STON2: variants seen among roughly 807,000 people sequenced by gnomAD.
STON2 encodes stonin 2.
STON2 carries 29 observed loss-of-function variants against 65.7 expected under a neutral mutation model. That is an observed-to-expected ratio of 0.44 (90% CI 0.33 to 0.60). The LOEUF is 0.60. STON2 is among the 20% of genes least tolerant of loss of function. STON2 has a pLI of 0.03. For missense variants in STON2, 1,054 were observed against 1,118.1 expected, an observed-to-expected ratio of 0.94 and a Z score of 0.82; for synonymous variants, 404 against 414.2, an observed-to-expected ratio of 0.98 and a Z score of 0.30.
At chr14:81,345,955 G>A (rs1897795259) in intron 4 of STON2, among the ~76,000 whole-genome samples, 1 of 152,164 alleles carries the variant, frequency 6.6e-6, no homozygotes, top group South Asian at 2.1e-4. Context: ...AGCCCTGTTT[G>A]CAACACTTGT....
chr14:81,378,253 T>C (rs1212989233), intron 3 of STON2, among the ~76,000 whole-genome samples: 2 of 152,210 alleles, frequency 1.3e-5, no homozygotes, highest in Non-Finnish European at 2.9e-5. Context: ...TTTCACTCTG[T>C]TGTCCAGGTT....
chr14:81,332,882 A>C (rs1897258321), intron 4 of STON2: 1 of 201,634 alleles, frequency 5.0e-6, no homozygotes, highest in Non-Finnish European at 1.0e-5. Flanking sequence ...AAAAATCCAC[A>C]ATGGCCACAG....
chr14:81,393,134 A>G (rs1043004151), intron 3 of STON2, among the ~76,000 whole-genome samples: 5 of 152,242 alleles, frequency 3.3e-5, no homozygotes, highest in Non-Finnish European at 7.3e-5. Context: ...AGATGGGGGC[A>G]ACATAATTAT....
intron 4 of STON2, among the ~76,000 whole-genome samples, chr14:81,338,737 CA>C (rs1186993397): frequency 6.6e-6 from 1 of 152,184 alleles, no homozygotes. Flanking sequence ...TAGAACATTT[CA>C]TTGGTGTCTG....
chr14:81,405,213 C>T (rs1244829149), upstream of STON2, among the ~76,000 whole-genome samples: 6 of 152,088 alleles, frequency 3.9e-5, no homozygotes, highest in Non-Finnish European at 7.4e-5. Flanking sequence ...TCTGTCCTTG[C>T]GTTCACTGAC....
chr14:81,295,166 T>C (rs1343425478), intron 5 of STON2, among the ~76,000 whole-genome samples: 1 of 151,918 alleles, frequency 6.6e-6, no homozygotes, highest in East Asian at 1.9e-4. Context: ...CTACTAAAAA[T>C]ACGAAAAAAT....
chr14:81,301,730 T>C (rs1036678447), intron 5 of STON2, among the ~76,000 whole-genome samples: 3 of 152,158 alleles, frequency 2.0e-5, no homozygotes, highest in African/African-American at 7.2e-5. Context: ...ACTTGAAGGG[T>C]TGTTGTGAGA....
intron 4 of STON2, among the ~76,000 whole-genome samples, chr14:81,346,558 T>C (rs1897817456): frequency 1.3e-5 from 2 of 152,216 alleles, no homozygotes; most frequent in Non-Finnish European, 2.9e-5. Context: ...GGATTTAAAC[T>C]GCACTTCAGA....
chr14:81,415,975 GA>G (rs566537490), intron 2 of STON2, among the ~76,000 whole-genome samples: 222 of 152,290 alleles, frequency 1.5e-3, no homozygotes, highest in African/African-American at 5.1e-3. Flanking sequence ...CCAAAGGTCA[GA>G]AGCAGGGTGT....
chr14:81,309,832 A>T (rs143423557), intron 5 of STON2, among the ~76,000 whole-genome samples: 2,165 of 152,338 alleles, frequency 0.014, 22 homozygotes, highest in Non-Finnish European at 0.022. Context: ...GACTGGGCCA[A>T]AGGTGGTGGT....
chr14:81,275,045 TC>T (rs1555394262), intron 6 of STON2, among the ~76,000 whole-genome samples: 1 of 20,642 alleles, frequency 4.8e-5, no homozygotes, highest in African/African-American at 1.7e-4. Context: ...TCTAAAGTCT[TC>T]TCTTGATCAG....
intron 2 of STON2, among the ~76,000 whole-genome samples, chr14:81,408,889 A>T (rs1901007519): frequency 6.6e-6 from 1 of 152,234 alleles, no homozygotes; most frequent in South Asian, 2.1e-4. Context: ...TAAAGTTTGC[A>T]AAACATTTTC....
rs1386327806 is a variant in STON2 at position 81,263,684 on chromosome 14, C to A, written c.*4730G>T. The A allele has an allele frequency of 1.0e-6, 1 of 981,092 alleles. No homozygotes were observed. Among genetic ancestry groups the A allele is most frequent in the Non-Finnish European group, 1.2e-6 (1 of 826,272 alleles). The allele number at this position is 981,092 out of a possible 1,614,324, so 60.8% of individuals were successfully genotyped here. On this transcript the variant is annotated 3_prime_UTR_variant, in exon 8 of 8. Transcript: ENST00000614646. ...GGCCCAGGGAAGCCAAAAGATTGGA[C>A]CTCCCTGACTAAGGTCTAGATATGC...
At chr14:81,369,585 C>T (rs557609717) in intron 4 of STON2, among the ~76,000 whole-genome samples, 1 of 152,288 alleles carries the variant, frequency 6.6e-6, no homozygotes, top group Non-Finnish European at 1.5e-5. Flanking sequence ...CTGTGTCAAG[C>T]ATCACATAAG....
At chr14:81,298,045 AAAT>A (rs1895828725) in intron 5 of STON2, among the ~76,000 whole-genome samples, 2 of 152,330 alleles carry the variant, frequency 1.3e-5, no homozygotes, top group African/African-American at 2.4e-5. Flanking sequence ...CTCAAAAGAA[AAAT>A]AATAATAACT....
At chr14:81,352,515 A>T (rs1898062705) in intron 4 of STON2, among the ~76,000 whole-genome samples, 1 of 152,156 alleles carries the variant, frequency 6.6e-6, no homozygotes, top group Non-Finnish European at 1.5e-5. Context: ...GAAAAAACAC[A>T]GCATCTTATA....
intron 1 of STON2, among the ~76,000 whole-genome samples, chr14:81,435,691 ACACACACG>A (rs144717535): frequency 0.026 from 3,952 of 149,572 alleles, 169 homozygotes; most frequent in African/African-American, 0.09. Flanking sequence ...GCACGAATGC[ACACACACG>A]CACACGCGCG....
chr14:81,353,057 C>G (rs182129718), intron 4 of STON2, among the ~76,000 whole-genome samples: 1 of 152,096 alleles, frequency 6.6e-6, no homozygotes, highest in African/African-American at 2.4e-5. Flanking sequence ...GTAATATTCT[C>G]AAATATGTAA....
chr14:81,318,337 C>T, intron 5 of STON2, among the ~76,000 whole-genome samples: 1 of 152,086 alleles, frequency 6.6e-6, no homozygotes, highest in East Asian at 1.9e-4. Flanking sequence ...TTCCACATCA[C>T]GAGGAGCAGA....
Sources: gnomAD v4.1 joint callset for allele counts (sites outside exome capture counted in the v4.1 genomes callset) on GRCh38, gnomAD v4.1.1 for gene constraint, MANE v1.5 for transcripts, NCBI Gene and HGNC (gene_info 2026-07-23, HGNC 2026-07-21) for gene names.